Variants in TDP2 observed in about 807,000 individuals in gnomAD.
TDP2 encodes the protein 5'-Tyr-DNA phosphodiesterase.
In TDP2, 38 loss-of-function variants were observed where a neutral mutation model predicts 42.8. That is an observed-to-expected ratio of 0.89 (90% CI 0.68 to 1.16). The LOEUF (loss-of-function observed/expected upper bound fraction) is 1.16. Ranked by LOEUF, TDP2 falls within the 50% of genes most tolerant of loss-of-function variation. The pLI is 0.00. For synonymous variants in TDP2, 173 were observed against 150.6 expected (o/e 1.15, Z -1.09); for missense variants, 439 against 439.3 (o/e 1.00, Z 0.01).
At chr6:24,656,008 C>A (rs2127617585) in intron 4 of TDP2, among the ~76,000 whole-genome samples, 1 of 152,154 alleles carries the variant, frequency 6.6e-6, no homozygotes, top group South Asian at 2.1e-4. Context: ...AACCAAAAGC[C>A]AAGGATCCCT....
chr6:24,654,450 GA>G lies in TDP2; in HGVS notation c.597del (p.Pro200GlnfsTer5). On this transcript the variant is annotated frameshift_variant, in exon 5 of 7. Coordinates refer to ENST00000378198, the MANE Select transcript of TDP2 (RefSeq NM_016614.3). LOFTEE classifies it high-confidence loss of function. ...AGGTTTCTCATCATTTTGGTACTTG[GA>G]AAAGGAATAATCTCTTGGCTTTTTA... ...VKLKSQEIIP[F>X]PSTKMMRNLL... 1 of 1,580,316 alleles carries G rather than the reference GA, an allele frequency of 6.3e-7. No individual in the cohort carries two copies. The highest frequency in any genetic ancestry group is 8.6e-7 in the Non-Finnish European group (1 of 1,159,280).
At position 24,654,448 on chromosome 6, in the gene TDP2, TGGAAAA is replaced by T; in HGVS notation, c.594_599del (p.Phe199_Pro200del). The T allele has an allele frequency of 6.3e-7, 1 of 1,579,144 alleles. No homozygotes were observed. The highest frequency in any genetic ancestry group is 8.6e-7 in the Non-Finnish European group (1 of 1,158,268). On this transcript the variant is annotated inframe_deletion, in exon 5 of 7. Transcript: ENST00000378198. ...AAAGGTTTCTCATCATTTTGGTACT[TGGAAAA>T]GGAATAATCTCTTGGCTTTTTAATT...
intron 2 of TDP2, among the ~76,000 whole-genome samples, chr6:24,665,777 ACT>A (rs2127619216): frequency 6.6e-6 from 1 of 152,254 alleles, no homozygotes; most frequent in South Asian, 2.1e-4. Context: ...CTAAAAGGGG[ACT>A]CTTACCCAGA....
chr6:24,666,697 C>A lies in TDP2; in HGVS notation c.165+1G>T. The stretch of plus-strand genomic sequence containing the variant: ...CGGAAGCGAGGACAGCGAAAGCGTA[C>A]TTCCATCTCCCAGTCGTTCTCGGCC... On this transcript the variant is annotated splice_donor_variant, in intron 1 of 6. Transcript: ENST00000378198. LOFTEE classifies it high-confidence loss of function. 1 of 1,614,280 alleles carries A rather than the reference C, an allele frequency of 6.2e-7. No individual in the cohort carries two copies. The highest frequency in any genetic ancestry group is 8.5e-7 in the Non-Finnish European group (1 of 1,180,040).
At chr6:24,653,208 TTAA>T (rs1423340978) in intron 5 of TDP2, 55 bp from the exon 6 acceptor site, 3 of 1,551,840 alleles carry the variant, frequency 1.9e-6, no homozygotes, top group African/African-American at 1.4e-5. Context: ...ATACTGAACT[TTAA>T]TAATAAAATC....
chr6:24,664,756 C>A (rs1562150973), intron 2 of TDP2, among the ~76,000 whole-genome samples: 1 of 152,166 alleles, frequency 6.6e-6, no homozygotes, highest in Admixed American at 6.5e-5. Flanking sequence ...TGCCCCTTCC[C>A]CATTTTTCTC....
At chr6:24,666,399 G>A in intron 2 of TDP2, 127 bp downstream of exon 2, 1 of 1,423,604 alleles carries the variant, frequency 7.0e-7, no homozygotes, top group South Asian at 1.2e-5. Flanking sequence ...TGCTCCTCTG[G>A]CTACGCAGCT....
Position 24,666,236 on chromosome 6 carries a change from C to T in TDP2, c.251+290G>A, listed in dbSNP as rs892887097. 7.8e-6 allele frequency: 12 copies of T among 1,545,640 alleles called. No homozygotes were observed. In the African/African-American group the frequency reaches 1.5e-4, roughly 20 times the overall value. The stretch of plus-strand genomic sequence containing the variant: ...TTAGCCTTCGTTCATTTGTTTCAAA[C>T]CTCTCGCTTACTTATTTCCTTTCAT... On this transcript the variant is annotated intron_variant, in intron 2 of 6. Transcript: ENST00000378198.
At chr6:24,660,178 C>A (rs183741083) in intron 2 of TDP2, among the ~76,000 whole-genome samples, 2 of 152,170 alleles carry the variant, frequency 1.3e-5, no homozygotes, top group Admixed American at 1.3e-4. Flanking sequence ...CATTTACTTG[C>A]TTTATTCTTT....
At chr6:24,658,178 G>A (rs969840233) in intron 3 of TDP2, among the ~76,000 whole-genome samples, 1 of 152,180 alleles carries the variant, frequency 6.6e-6, no homozygotes, top group Non-Finnish European at 1.5e-5. Flanking sequence ...ACTAAGAGAT[G>A]CTTTCAATGT....
rs990214089 is a variant in TDP2, at chr6:24,659,086, A to G, written c.252-352T>C. The G allele has an allele frequency of 2.3e-5, 4 of 172,754 alleles. No homozygotes were observed. In the South Asian group the frequency reaches 5.7e-4, roughly 25 times the overall value. 10.7% of individuals were successfully genotyped at this position (172,754 alleles called of 1,614,324 possible). A position where few individuals can be genotyped will look rare whatever the true frequency, so the allele number is the denominator to read the frequency against. On this transcript the variant is annotated intron_variant, in intron 2 of 6. Transcript: ENST00000378198. ...TTTTCAGACGCTGAATTCCAGCAGAAAGCTGACACCAACCAGTTTGAAGAC... is the reference window on the plus strand; with the variant it reads ...TTTTCAGACGCTGAATTCCAGCAGAGAGCTGACACCAACCAGTTTGAAGAC...
intron 4 of TDP2, 115 bp downstream of exon 4, chr6:24,657,697 A>G (rs1778079159): frequency 2.1e-6 from 1 of 476,374 alleles, no homozygotes; most frequent in Non-Finnish European, 3.8e-6. Flanking sequence ...TATTTTTCTC[A>G]AACTTATTTA....
intron 3 of TDP2, among the ~76,000 whole-genome samples, 179 bp downstream of exon 3, chr6:24,658,382 G>A (rs1174464128): frequency 6.6e-6 from 1 of 152,198 alleles, no homozygotes; most frequent in Non-Finnish European, 1.5e-5. Flanking sequence ...GAAAATTAGT[G>A]TTCCCTCTTT....
intron 6 of TDP2, among the ~76,000 whole-genome samples, chr6:24,652,053 A>T (rs1269205500): frequency 6.6e-6 from 1 of 152,202 alleles, no homozygotes; most frequent in Non-Finnish European, 1.5e-5. Flanking sequence ...TCCCTGGCAA[A>T]CACCATTCTA....
Position 24,657,844 on chromosome 6 carries a change from T to C in TDP2, c.485A>G (p.Lys162Arg). The change falls in exon 4 of 7, where the codon AAG becomes AGG. Residue 162 changes from lysine (K) to arginine (R), a missense_variant. By Grantham distance (26) the Lys-to-Arg change is conservative. Transcript: ENST00000378198. Reference sequence around the variant, plus strand: ...AATCTCATAATTACTTGATCTCTTCTTTAGGTAGCTATAATATGGGGGAAT... The same window carrying C: ...AATCTCATAATTACTTGATCTCTTCCTTAGGTAGCTATAATATGGGGGAAT... Reference protein sequence around the residue: ...EVIPPYYSYLKKRSSNYEIIT... With the variant: ...EVIPPYYSYLRKRSSNYEIIT... 1 of 1,584,296 alleles carries C rather than the reference T, an allele frequency of 6.3e-7. No homozygotes were observed. The highest frequency in any genetic ancestry group is 2.3e-5 in the East Asian group (1 of 43,704).
Position 24,651,073 on chromosome 6 carries a change from A to G in TDP2, c.808-4T>C, listed in dbSNP as rs780279136. On this transcript the variant is annotated splice_region_variant and splice_polypyrimidine_tract_variant and intron_variant, in intron 6 of 6. Coordinates refer to ENST00000378198, the MANE Select transcript of TDP2 (RefSeq NM_016614.3). ...GTAAACCACCACATCTGGTAACCTG[A>G]AAAGAAGAAGAATACTCTCTAAGAT... The G allele has an allele frequency of 6.2e-7, 1 of 1,609,696 alleles. No homozygotes were observed. The highest frequency in any genetic ancestry group is 2.2e-5 in the East Asian group (1 of 44,810).
rs755523298 is a variant in TDP2, at chr6:24,650,762, G to A, written c.*26C>T. 3 of 1,607,206 alleles carry A rather than the reference G, an allele frequency of 1.9e-6. No individual in the cohort carries two copies. Among genetic ancestry groups the A allele is most frequent in the African/African-American group, 1.3e-5 (1 of 74,662 alleles). ...TGGAAATTGTATTTGCAACAATCAGGGCAAAACCCACACTTGAAAAGCATT... is the reference window on the plus strand; with the variant it reads ...TGGAAATTGTATTTGCAACAATCAGAGCAAAACCCACACTTGAAAAGCATT... On this transcript the variant is annotated 3_prime_UTR_variant, in exon 7 of 7. Coordinates refer to ENST00000378198, the MANE Select transcript of TDP2 (RefSeq NM_016614.3).
At chr6:24,654,555 T>C in intron 4 of TDP2, 25 bp from the exon 5 acceptor site, 2 of 1,285,530 alleles carry the variant, frequency 1.6e-6, no homozygotes, top group Non-Finnish European at 1.1e-6. Context: ...GGAAAAGAAT[T>C]TAGGCTGAGA....
rs1297386208 is a variant in TDP2 at position 24,658,547 on chromosome 6, G to C, written c.425+14C>G. 3 of 1,596,248 alleles carry C rather than the reference G, an allele frequency of 1.9e-6. No homozygotes were observed. Among genetic ancestry groups the C allele is most frequent in the Non-Finnish European group, 1.7e-6 (2 of 1,170,076 alleles). On this transcript the variant is annotated intron_variant, in intron 3 of 6. Transcript: ENST00000378198. ...TAAGACACATTACTATTAAATAGAAGTGATAATACTTACAAAGCTAAGTAG... is the reference window on the plus strand; with the variant it reads ...TAAGACACATTACTATTAAATAGAACTGATAATACTTACAAAGCTAAGTAG...
Sources: allele counts gnomAD v4.1 joint callset (sites outside exome capture counted in the v4.1 genomes callset), GRCh38; gene constraint gnomAD v4.1.1; transcripts MANE v1.5; gene names NCBI Gene and HGNC (gene_info 2026-07-23, HGNC 2026-07-21).